The following ZDHHC15 variants were observed in gnomAD, a reference collection of about 807,000 sequenced individuals.
The protein encoded by ZDHHC15 is palmitoyltransferase ZDHHC15.
In ZDHHC15, 19 loss-of-function variants were observed where a neutral mutation model predicts 31.7. The observed-to-expected ratio is 0.60, with a 90% confidence interval of 0.42 to 0.88. The LOEUF is 0.88. Ranked by LOEUF, ZDHHC15 falls within the 40% of genes least tolerant of loss-of-function variation. The pLI is 0.00. For synonymous variants in ZDHHC15, 103 were observed against 90.0 expected (o/e 1.14, Z -0.82); for missense variants, 209 against 251.2 (o/e 0.83, Z 1.14).
At chrX:75,379,389 T>C (rs1313163216) in intron 10 of ZDHHC15, among the ~76,000 whole-genome samples, 191 bp from the exon 11 acceptor site, 1 of 112,400 alleles carries the variant, frequency 8.9e-6, no homozygotes, top group Non-Finnish European at 1.9e-5. Flanking sequence ...CAGCCTGCTA[T>C]ACTATGAACT....
At chrX:75,484,184 C>G (rs1359062707) in intron 2 of ZDHHC15, among the ~76,000 whole-genome samples, 2 of 111,584 alleles carry the variant, frequency 1.8e-5, no homozygotes, top group Non-Finnish European at 3.8e-5. Flanking sequence ...GCTCCTGGAA[C>G]AGTCTATTCT....
intron 3 of ZDHHC15, among the ~76,000 whole-genome samples, chrX:75,475,916 G>A (rs1310722865): frequency 9.0e-6 from 1 of 111,212 alleles, no homozygotes; most frequent in Non-Finnish European, 1.9e-5. Context: ...TTTCACTTTA[G>A]AAGTCTTTCA....
intron 2 of ZDHHC15, among the ~76,000 whole-genome samples, chrX:75,496,188 G>T (rs190106587): frequency 2.7e-5 from 3 of 110,998 alleles, no homozygotes; most frequent in African/African-American, 9.8e-5. Flanking sequence ...GAAACCAAAA[G>T]TGAACCAGAG....
At chrX:75,464,264 G>A (rs1016896925) in intron 3 of ZDHHC15, among the ~76,000 whole-genome samples, 3 of 110,339 alleles carry the variant, frequency 2.7e-5, no homozygotes, top group South Asian at 3.9e-4. Flanking sequence ...GAAGGGGAAC[G>A]TCACACACCG....
At chrX:75,443,803 C>T (rs1457852112) in intron 4 of ZDHHC15, among the ~76,000 whole-genome samples, 3 of 111,936 alleles carry the variant, frequency 2.7e-5, no homozygotes, top group African/African-American at 3.2e-5. Flanking sequence ...AAAAAGTGGG[C>T]GAAGGATATG....
intron 2 of ZDHHC15, among the ~76,000 whole-genome samples, chrX:75,497,175 T>C (rs951392189): frequency 9.0e-6 from 1 of 110,638 alleles, no homozygotes; most frequent in Non-Finnish European, 1.9e-5. Context: ...AGCACAGAAA[T>C]ACAAAAGATC....
At chrX:75,466,927 C>T (rs1035554581) in intron 3 of ZDHHC15, among the ~76,000 whole-genome samples, 1 of 110,039 alleles carries the variant, frequency 9.1e-6, no homozygotes, top group Non-Finnish European at 1.9e-5. Context: ...GGAAGAGGAG[C>T]TAATGGATGC....
At chrX:75,443,345 C>T (rs2083975075) in intron 4 of ZDHHC15, among the ~76,000 whole-genome samples, 2 of 110,951 alleles carry the variant, frequency 1.8e-5, no homozygotes, top group South Asian at 7.6e-4. Flanking sequence ...TTTGACAAAC[C>T]TGAAAAAAAG....
Position 75,491,641 on chromosome X carries a change from G to GAA in ZDHHC15, c.164-12658_164-12657dup, listed in dbSNP as rs995672267. ...AAAGTATAATAATAATAAAATAAAA[G>GAA]AAAAAAAAGAAAAGAATTTTCAACC... is the stretch of plus-strand genomic sequence containing the variant. On this transcript the variant is annotated intron_variant, in intron 2 of 11. Transcript: ENST00000373367. 3.7e-5 allele frequency among the ~76,000 whole-genome samples: 4 copies of GAA among 109,314 alleles called. No individual in the cohort carries two copies. The East Asian group carries it at 1.1e-3, about 31-fold the overall frequency. 94.9% of individuals were successfully genotyped at this position (109,314 alleles called of 115,157 possible). A position where few individuals can be genotyped will look rare whatever the true frequency, so the allele number is the denominator to read the frequency against.
chrX:75,493,789 A>G (rs1193184251), intron 2 of ZDHHC15, among the ~76,000 whole-genome samples: 1 of 111,795 alleles, frequency 8.9e-6, no homozygotes, highest in East Asian at 2.8e-4. Context: ...ATCTCAAAAT[A>G]ATAAGAGCTA....
Position 75,368,595 on chromosome X carries a change from A to G in ZDHHC15, c.*4383T>C, listed in dbSNP as rs1452974688. 2 of 111,585 alleles carry G rather than the reference A, an allele frequency of 1.8e-5. No individual in the cohort carries two copies. The highest frequency in any genetic ancestry group is 3.8e-5 in the Non-Finnish European group (2 of 53,135). The allele number at this position is 111,585 out of a possible 1,213,427, so 9.2% of individuals were successfully genotyped here. On this transcript the variant is annotated 3_prime_UTR_variant, in exon 12 of 12. Transcript: ENST00000373367. Reference sequence around the variant, plus strand: ...ATTGGCAACCTATGCTTAACTTCTGAGGTCTCCTTTTCTGGCACTCTAATA... The same window carrying G: ...ATTGGCAACCTATGCTTAACTTCTGGGGTCTCCTTTTCTGGCACTCTAATA...
chrX:75,493,120 A>C (rs1015438613), intron 2 of ZDHHC15, among the ~76,000 whole-genome samples: 1 of 112,106 alleles, frequency 8.9e-6, no homozygotes, highest in Non-Finnish European at 1.9e-5. Flanking sequence ...GATCCCACAG[A>C]AATACAAACT....
intron 4 of ZDHHC15, among the ~76,000 whole-genome samples, chrX:75,432,208 C>T (rs1266533679): frequency 1.8e-5 from 2 of 111,132 alleles, no homozygotes; most frequent in Admixed American, 9.6e-5. Flanking sequence ...TCCTTCATTC[C>T]TTCCTTTCTT....
At chrX:75,395,425 A>T (rs2083288878) in intron 10 of ZDHHC15, among the ~76,000 whole-genome samples, 1 of 112,154 alleles carries the variant, frequency 8.9e-6, no homozygotes, top group South Asian at 3.7e-4. Flanking sequence ...ACAACATAAA[A>T]TGAAATCAAG....
chrX:75,402,952 C>T (rs953880108), intron 10 of ZDHHC15, among the ~76,000 whole-genome samples: 14 of 111,591 alleles, frequency 1.3e-4, no homozygotes, highest in Admixed American at 1.2e-3. Context: ...CACCTTCAGG[C>T]CTATATCCTT....
chrX:75,508,711 A>T (rs1328920013), intron 1 of ZDHHC15, among the ~76,000 whole-genome samples: 2 of 111,026 alleles, frequency 1.8e-5, no homozygotes, highest in African/African-American at 3.3e-5. Flanking sequence ...TAGATCCTTG[A>T]GGAATGGCCA....
chrX:75,460,370 A>G (rs1359269973), intron 3 of ZDHHC15, among the ~76,000 whole-genome samples: 1 of 111,030 alleles, frequency 9.0e-6, no homozygotes, highest in Non-Finnish European at 1.9e-5. Context: ...CTGGCTTTGC[A>G]GAGTCCAAAT....
At chrX:75,414,499 G>A (rs1421562583) in intron 10 of ZDHHC15, among the ~76,000 whole-genome samples, 3 of 90,559 alleles carry the variant, frequency 3.3e-5, no homozygotes, top group Non-Finnish European at 6.2e-5. Context: ...GCGCGATCTC[G>A]GCTCACTGCA....
At chrX:75,375,002 G>GT (rs1350649465) in intron 11 of ZDHHC15, among the ~76,000 whole-genome samples, 1 of 111,288 alleles carries the variant, frequency 9.0e-6, no homozygotes, top group Non-Finnish European at 1.9e-5. Flanking sequence ...AGATGTAAAC[G>GT]TATTTCAAAA....
Sources: gnomAD v4.1 joint callset for allele counts (sites outside exome capture counted in the v4.1 genomes callset) on GRCh38, gnomAD v4.1.1 for gene constraint, MANE v1.5 for transcripts, NCBI Gene and HGNC (gene_info 2026-07-23, HGNC 2026-07-21) for gene names.